Variants in C3orf20 observed in about 807,000 individuals in gnomAD.
C3orf20 encodes the protein family with sequence similarity 149 member C.
In C3orf20, 76 loss-of-function variants were observed where a neutral mutation model predicts 88.3. The ratio of observed to expected loss-of-function variants is 0.86; its 90% CI spans 0.72 to 1.04. The LOEUF is 1.04. C3orf20 is among the 50% of genes least tolerant of loss of function. The pLI, the probability that C3orf20 is intolerant of heterozygous loss-of-function variation, is 0.00. For synonymous variants in C3orf20, 436 were observed against 437.4 expected, an observed-to-expected ratio of 1.00 and a Z score of 0.04; for missense variants, 1,056 against 1,123.3, an observed-to-expected ratio of 0.94 and a Z score of 0.86.
In C3orf20 at chr3:14,678,424, G is replaced by A. The variant is rs1011079315; in HGVS notation, c.-299+3172G>A. Among the ~76,000 whole-genome samples the A allele has an allele frequency of 5.9e-5, 9 of 152,076 alleles. No individual in the cohort carries two copies. In the East Asian group the frequency reaches 1.7e-3, roughly 29 times the overall value. ...ACTTCCTTCTCTGGGTTTCCATTCC[G>A]CCTTGCAGAGAGCACTCTGACTTAC... On this transcript the variant is annotated intron_variant, in intron 1 of 16. Coordinates refer to ENST00000253697, the MANE Select transcript of C3orf20 (RefSeq NM_032137.5).
At chr3:14,709,098 A>G (rs574395729) in intron 7 of C3orf20, among the ~76,000 whole-genome samples, 3 of 152,196 alleles carry the variant, frequency 2.0e-5, no homozygotes, top group Non-Finnish European at 4.4e-5. Context: ...ACAAAGAGGT[A>G]CAGAACTTGT....
At chr3:14,723,699 G>C (rs1389236645) in intron 10 of C3orf20, among the ~76,000 whole-genome samples, 1 of 152,216 alleles carries the variant, frequency 6.6e-6, no homozygotes, top group African/African-American at 2.4e-5. Context: ...GTCCACCTGG[G>C]CTGAGATAAA....
At chr3:14,747,359 A>G (rs896310625) in intron 12 of C3orf20, among the ~76,000 whole-genome samples, 14 of 152,240 alleles carry the variant, frequency 9.2e-5, no homozygotes, top group African/African-American at 3.4e-4. Context: ...TTATGGCACC[A>G]GCTGGCTTTG....
chr3:14,767,808 C>G (rs2035756949), intron 15 of C3orf20, among the ~76,000 whole-genome samples: 1 of 152,238 alleles, frequency 6.6e-6, no homozygotes, highest in Admixed American at 6.5e-5. Flanking sequence ...GGCCTGCTCT[C>G]CAGAACAGCA....
At chr3:14,739,880 A>G (rs1393351755) in intron 12 of C3orf20, among the ~76,000 whole-genome samples, 1 of 152,332 alleles carries the variant, frequency 6.6e-6, no homozygotes, top group Non-Finnish European at 1.5e-5. Flanking sequence ...TGGCTTCCTC[A>G]TCTCTCTCAG....
chr3:14,723,763 C>CT (rs2034246915), intron 10 of C3orf20, among the ~76,000 whole-genome samples: 1 of 151,904 alleles, frequency 6.6e-6, no homozygotes, highest in African/African-American at 2.4e-5. Context: ...CACTCTCACT[C>CT]TAAAAGGCCA....
At chr3:14,716,253 A>G (rs2033937517) in intron 9 of C3orf20, among the ~76,000 whole-genome samples, 1 of 152,234 alleles carries the variant, frequency 6.6e-6, no homozygotes, top group Non-Finnish European at 1.5e-5. Flanking sequence ...AAGCCCATCA[A>G]GGAACTCAAA....
chr3:14,736,181 T>C (rs771022974), intron 12 of C3orf20, among the ~76,000 whole-genome samples: 18 of 152,230 alleles, frequency 1.2e-4, no homozygotes, highest in Non-Finnish European at 2.4e-4. Flanking sequence ...TTCTTTTCTT[T>C]TTGCTTCATG....
rs1300912699 is a variant in C3orf20, at chr3:14,772,233, G to A, written c.2630+32G>A. The A allele has an allele frequency of 8.7e-6, 14 of 1,613,918 alleles. No homozygotes were observed. The highest frequency in any genetic ancestry group is 2.7e-5 in the African/African-American group (2 of 74,958). On this transcript the variant is annotated intron_variant, in intron 16 of 16. Coordinates refer to ENST00000253697, the MANE Select transcript of C3orf20 (RefSeq NM_032137.5). This position sits in a 1 kb window ranked among gnomAD's most constrained non-coding sequence, Gnocchi z 4.2. ...GACCACATCAGCTGCCAGAATGGGCGTGGCTCACAGCAGGCCACCTCGGGG... is the reference window on the plus strand; with the variant it reads ...GACCACATCAGCTGCCAGAATGGGCATGGCTCACAGCAGGCCACCTCGGGG...
intron 10 of C3orf20, among the ~76,000 whole-genome samples, chr3:14,722,898 G>A (rs1406483502): frequency 1.3e-5 from 2 of 152,206 alleles, no homozygotes; most frequent in African/African-American, 4.8e-5. Context: ...CACCCTGAGT[G>A]TATATCCCAA....
At chr3:14,697,358 A>G (rs1367575900) in intron 5 of C3orf20, among the ~76,000 whole-genome samples, 1 of 151,838 alleles carries the variant, frequency 6.6e-6, no homozygotes, top group Non-Finnish European at 1.5e-5. Context: ...GCCATGTTTC[A>G]TTCTTTATTC....
At chr3:14,697,272 A>G (rs973519889) in intron 5 of C3orf20, among the ~76,000 whole-genome samples, 5 of 151,900 alleles carry the variant, frequency 3.3e-5, no homozygotes, top group Admixed American at 3.3e-4. Flanking sequence ...TTCTACCCCT[A>G]TCTCTTTCTC....
At chr3:14,761,688 T>C in intron 15 of C3orf20, 73 bp downstream of exon 15, 3 of 1,477,042 alleles carry the variant, frequency 2.0e-6, no homozygotes, top group Middle Eastern at 2.1e-4. Context: ...ACTTGGGCTG[T>C]GAAAGGGGAA....
chr3:14,712,189 C>T (rs1260560359), intron 7 of C3orf20, among the ~76,000 whole-genome samples: 2 of 48,114 alleles, frequency 4.2e-5, no homozygotes, highest in Non-Finnish European at 1.1e-4. Context: ...CGCGCACACA[C>T]ACACACACAC....
chr3:14,709,759 C>G (rs940445259), intron 7 of C3orf20, among the ~76,000 whole-genome samples: 1 of 152,214 alleles, frequency 6.6e-6, no homozygotes, highest in Middle Eastern at 3.4e-3. Context: ...TAGGCTGCTG[C>G]TGAATTTGGT....
chr3:14,713,790 G>C (rs2033837225), intron 7 of C3orf20, among the ~76,000 whole-genome samples: 1 of 152,220 alleles, frequency 6.6e-6, no homozygotes, highest in Non-Finnish European at 1.5e-5. Flanking sequence ...CCACAAGGTG[G>C]TTGTGAGAAA....
At chr3:14,679,758 G>C (rs1008130157) in intron 1 of C3orf20, among the ~76,000 whole-genome samples, 1 of 152,136 alleles carries the variant, frequency 6.6e-6, no homozygotes, top group Admixed American at 6.5e-5. Flanking sequence ...GTAGTCACAT[G>C]TTCACCTCTG....
At chr3:14,754,978 G>A (rs145590528) in intron 12 of C3orf20, among the ~76,000 whole-genome samples, 3,195 of 152,272 alleles carry the variant, frequency 0.021, 45 homozygotes, top group Middle Eastern at 0.031. Flanking sequence ...TCCTGCCTCA[G>A]CCTCCCAAAG....
At chr3:14,747,832 T>TTA (rs959049523) in intron 12 of C3orf20, among the ~76,000 whole-genome samples, 5 of 151,980 alleles carry the variant, frequency 3.3e-5, no homozygotes, top group Middle Eastern at 3.4e-3. Context: ...AGGCTTTATA[T>TTA]TATATATATA....
Sources: allele counts gnomAD v4.1 joint callset (sites outside exome capture counted in the v4.1 genomes callset), GRCh38; gene constraint gnomAD v4.1.1; non-coding constraint Gnocchi (gnomAD v3.1); transcripts MANE v1.5; gene names NCBI Gene and HGNC (gene_info 2026-07-23, HGNC 2026-07-21).